Variants in KLF17 observed in about 807,000 individuals in gnomAD.
The protein encoded by KLF17 is KLF transcription factor 17, also known as Krueppel-like factor 17.
Under a neutral mutation model 34.2 loss-of-function variants are expected in KLF17, and 31 were observed. That is an observed-to-expected ratio of 0.91 (90% CI 0.68 to 1.22). The LOEUF (loss-of-function observed/expected upper bound fraction) is 1.22, where lower values mean the gene tolerates loss of function less well. Ranked by LOEUF, KLF17 falls within the 50% of genes most tolerant of loss-of-function variation. The pLI is 0.00. For synonymous variants in KLF17, 179 were observed against 186.7 expected (o/e 0.96, Z 0.34); for missense variants, 478 against 505.2 (o/e 0.95, Z 0.52).
At chr1:44,123,968 T>C (rs1431557988) in intron 1 of KLF17, among the ~76,000 whole-genome samples, 2 of 152,060 alleles carry the variant, frequency 1.3e-5, no homozygotes, top group Admixed American at 1.3e-4. Flanking sequence ...TATTTTGAAA[T>C]CTATTGAGAC....
the KLF17 span, among the ~76,000 whole-genome samples, chr1:44,108,137 C>T: frequency 6.6e-6 from 1 of 152,168 alleles, no homozygotes; most frequent in African/African-American, 2.4e-5. Flanking sequence ...AGTCACCTGC[C>T]GTGTAGAGCT....
the KLF17 span, among the ~76,000 whole-genome samples, chr1:44,096,459 C>T: frequency 1.1e-4 from 17 of 148,390 alleles, no homozygotes; most frequent in South Asian, 2.1e-4. Flanking sequence ...AGTGCAGTGG[C>T]GCGATCTCGA....
the KLF17 span, among the ~76,000 whole-genome samples, chr1:44,072,231 AG>A: frequency 4.5e-3 from 679 of 151,964 alleles, no homozygotes; most frequent in Non-Finnish European, 7.4e-3. Flanking sequence ...ATGGGAAGAT[AG>A]TGGGAAGTGT....
At chr1:44,089,385 A>G in the KLF17 span, among the ~76,000 whole-genome samples, 1 of 152,232 alleles carries the variant, frequency 6.6e-6, no homozygotes, top group African/African-American at 2.4e-5. Context: ...CCAACCCAGC[A>G]GGGAGCTCTG....
At chr1:44,132,385 C>G (rs2088122027) in intron 3 of KLF17, among the ~76,000 whole-genome samples, 1 of 152,042 alleles carries the variant, frequency 6.6e-6, no homozygotes, top group Admixed American at 6.6e-5. Flanking sequence ...TTTCCCCTGC[C>G]TTTCATAAAT....
At chr1:44,060,122 C>A in the KLF17 span, among the ~76,000 whole-genome samples, 1 of 152,188 alleles carries the variant, frequency 6.6e-6, no homozygotes, top group African/African-American at 2.4e-5. Context: ...CATAACCACT[C>A]CTGACTCTCC....
the KLF17 span, among the ~76,000 whole-genome samples, chr1:44,070,093 A>G: frequency 6.6e-6 from 1 of 152,078 alleles, no homozygotes; most frequent in Non-Finnish European, 1.5e-5. Context: ...CTCTAAGTCA[A>G]TTAGTTCTTG....
At chr1:44,062,688 C>A in the KLF17 span, among the ~76,000 whole-genome samples, 2 of 149,170 alleles carry the variant, frequency 1.3e-5, no homozygotes, top group Admixed American at 6.7e-5. Context: ...TGTACTCCAG[C>A]CTGAGTGACA....
chr1:44,119,471 T>A (rs1057095502), intron 1 of KLF17, among the ~76,000 whole-genome samples: 1 of 151,644 alleles, frequency 6.6e-6, no homozygotes. Context: ...TCCCAGACCC[T>A]GGAAATACAA....
At chr1:44,075,007 C>G in the KLF17 span, 1 of 152,042 alleles carries the variant, frequency 6.6e-6, no homozygotes, top group South Asian at 2.1e-4. Context: ...GAGGAATTAT[C>G]AAGGTGGGGT....
At chr1:44,090,306 C>CAAAAAAAAAATAAA in the KLF17 span, among the ~76,000 whole-genome samples, 1 of 23,410 alleles carries the variant, frequency 4.3e-5, no homozygotes, top group Non-Finnish European at 7.0e-5. Flanking sequence ...CTTGTCTCTA[C>CAAAAAAAAAATAAA]AAAAAAAAAA....
the KLF17 span, among the ~76,000 whole-genome samples, chr1:44,055,197 G>C: frequency 6.6e-6 from 1 of 152,078 alleles, no homozygotes; most frequent in African/African-American, 2.4e-5. Context: ...TGGGGCCTGC[G>C]GTCCTCTACA....
the KLF17 span, among the ~76,000 whole-genome samples, chr1:44,083,902 G>T: frequency 3.9e-5 from 6 of 152,022 alleles, no homozygotes; most frequent in Non-Finnish European, 8.8e-5. Context: ...AGTACAAGCC[G>T]GGATCGTCCT....
At chr1:44,103,710 A>C in the KLF17 span, 2 of 1,550,302 alleles carry the variant, frequency 1.3e-6, no homozygotes, top group Non-Finnish European at 1.8e-6. Context: ...GGCGGCCTCC[A>C]GCTCGGACAG....
At chr1:44,096,695 C>A in the KLF17 span, among the ~76,000 whole-genome samples, 1 of 138,258 alleles carries the variant, frequency 7.2e-6, no homozygotes, top group Admixed American at 7.5e-5. Flanking sequence ...CCACTGTGCC[C>A]AGCCTACGGT....
At chr1:44,096,066 C>T in the KLF17 span, among the ~76,000 whole-genome samples, 49,331 of 151,528 alleles carry the variant, frequency 0.33, 8,164 homozygotes, top group South Asian at 0.38. Flanking sequence ...CTCAGCCTCC[C>T]GAGTAGCTGG....
chr1:44,061,604 C>A, the KLF17 span, among the ~76,000 whole-genome samples: 44 of 152,114 alleles, frequency 2.9e-4, no homozygotes, highest in African/African-American at 1.1e-3. Flanking sequence ...ATAATCTGCC[C>A]CTTAATTTGC....
the KLF17 span, among the ~76,000 whole-genome samples, chr1:44,089,935 G>C: frequency 1.3e-5 from 2 of 152,030 alleles, no homozygotes; most frequent in African/African-American, 4.8e-5. Context: ...GCCAAGGGGG[G>C]CGGATCACTT....
chr1:44,115,075 G>C (rs2087866672), upstream of KLF17: 1 of 152,174 alleles, frequency 6.6e-6, no homozygotes, highest in Admixed American at 6.5e-5. Context: ...TACTGTCAGT[G>C]ATGACAAAGA....
Sources: gnomAD v4.1 joint callset for allele counts (sites outside exome capture counted in the v4.1 genomes callset) on GRCh38, gnomAD v4.1.1 for gene constraint, MANE v1.5 for transcripts, NCBI Gene and HGNC (gene_info 2026-07-23, HGNC 2026-07-21) for gene names.